The following AKT3 variants were observed in gnomAD, a reference collection of about 807,000 sequenced individuals.
AKT3 encodes the protein AKT serine/threonine kinase 3.
A neutral mutation model predicts 65.3 loss-of-function variants in AKT3; 15 were observed. The ratio of observed to expected loss-of-function variants is 0.23; its 90% CI spans 0.15 to 0.35. The LOEUF (loss-of-function observed/expected upper bound fraction) is 0.35. Among genes scored for constraint, AKT3 ranks in the 10% least tolerant of loss-of-function variants. The probability of loss-of-function intolerance (pLI) is 1.00; values close to 1 mark genes in which losing one functional copy is unlikely to be tolerated. For missense variants in AKT3, 243 were observed against 576.5 expected (o/e 0.42, Z 5.92); for synonymous variants, 206 against 183.8 (o/e 1.12, Z -0.98).
intron 12 of AKT3, among the ~76,000 whole-genome samples, chr1:243,535,405 ACT>A (rs1271773312): frequency 1.3e-5 from 2 of 151,584 alleles, no homozygotes; most frequent in Non-Finnish European, 2.9e-5. Flanking sequence ...TCCAGTGTCC[ACT>A]CTACTACTCT....
chr1:243,671,348 G>A (rs950772613), intron 3 of AKT3, among the ~76,000 whole-genome samples: 1 of 151,974 alleles, frequency 6.6e-6, no homozygotes, highest in Non-Finnish European at 1.5e-5. Context: ...CCAAAGCGCT[G>A]GGATTACAGG....
At chr1:243,782,337 T>C (rs1690967168) in intron 2 of AKT3, among the ~76,000 whole-genome samples, 1 of 152,202 alleles carries the variant, frequency 6.6e-6, no homozygotes, top group East Asian at 1.9e-4. Flanking sequence ...AAACAACTTA[T>C]TTATTTCTCA....
chr1:243,558,341 C>A (rs1673547253), intron 10 of AKT3, among the ~76,000 whole-genome samples: 1 of 151,924 alleles, frequency 6.6e-6, no homozygotes, highest in African/African-American at 2.4e-5. Flanking sequence ...TTGAGCAAAT[C>A]TTTGTATCAA....
intron 6 of AKT3, among the ~76,000 whole-genome samples, chr1:243,632,873 C>CTG (rs1679708842): frequency 1.3e-5 from 2 of 152,194 alleles, no homozygotes; most frequent in African/African-American, 2.4e-5. Context: ...AGCTTCCTTA[C>CTG]TTCTCTCACC....
At chr1:243,597,182 A>C (rs1234457308) in intron 8 of AKT3, among the ~76,000 whole-genome samples, 1 of 152,210 alleles carries the variant, frequency 6.6e-6, no homozygotes, top group Non-Finnish European at 1.5e-5. Flanking sequence ...CTAATCATAT[A>C]CTTAAAATGA....
At chr1:243,547,492 C>T (rs1006776892) in intron 11 of AKT3, among the ~76,000 whole-genome samples, 2 of 152,036 alleles carry the variant, frequency 1.3e-5, no homozygotes, top group East Asian at 1.9e-4. Flanking sequence ...AAACCAAATA[C>T]GTCATAGAAA....
chr1:243,849,304 T>C (rs1483001118), intron 1 of AKT3, among the ~76,000 whole-genome samples: 1 of 152,066 alleles, frequency 6.6e-6, no homozygotes, highest in East Asian at 1.9e-4. Context: ...ATTTCTATTC[T>C]TAGCACACAA....
Position 243,678,284 on chromosome 1 carries a change from C to G in AKT3, c.173-13401G>C, listed in dbSNP as rs927283761. 2.0e-5 allele frequency among the ~76,000 whole-genome samples: 3 copies of G among 151,940 alleles called. No homozygotes were observed. In the South Asian group the frequency reaches 6.2e-4, roughly 31 times the overall value. On this transcript the variant is annotated intron_variant, in intron 3 of 13. Transcript: ENST00000673466. Reference sequence around the variant, plus strand: ...GGTTCCAACCACAGACATAAAAAGGCCTCTTGGGTATTTACTACAGCAACA... The same window carrying G: ...GGTTCCAACCACAGACATAAAAAGGGCTCTTGGGTATTTACTACAGCAACA...
rs549883136 is a variant in AKT3 at position 243,523,341 on chromosome 1, C to T, written c.1252-10915G>A. 7.9e-5 allele frequency among the ~76,000 whole-genome samples: 12 copies of T among 151,274 alleles called. No individual in the cohort carries two copies. In the East Asian group the frequency reaches 2.3e-3, roughly 29 times the overall value. ...AAACCAATTGGATATCCAAGGCTCC[C>T]CTTGCAGGTTTGTACTGGGCAGCTA... On this transcript the variant is annotated intron_variant, in intron 12 of 13. Transcript: ENST00000673466.
intron 2 of AKT3, among the ~76,000 whole-genome samples, chr1:243,718,607 C>A (rs1686670157): frequency 6.6e-6 from 1 of 151,486 alleles, no homozygotes; most frequent in Non-Finnish European, 1.5e-5. Flanking sequence ...GGATTACAGG[C>A]CCTCACCACC....
Position 243,849,524 on chromosome 1 carries a change from G to A in AKT3, c.-113+516C>T, listed in dbSNP as rs1284684259. ...CCACGCGCAGACAGCCTCAGCGCCAGGGCGCGCGGCAGACGGCTCCCTCCC... is the reference window on the plus strand; with the variant it reads ...CCACGCGCAGACAGCCTCAGCGCCAAGGCGCGCGGCAGACGGCTCCCTCCC... On this transcript the variant is annotated intron_variant, in intron 1 of 13. Transcript: ENST00000673466. Among the ~76,000 whole-genome samples the A allele has an allele frequency of 2.0e-5, 3 of 151,784 alleles. No homozygotes were observed. In the East Asian group the frequency reaches 5.9e-4, roughly 30 times the overall value.
At chr1:243,526,765 C>T (rs1671114271) in intron 12 of AKT3, among the ~76,000 whole-genome samples, 1 of 56,408 alleles carries the variant, frequency 1.8e-5, no homozygotes, top group Non-Finnish European at 3.2e-5. Context: ...GCCAGCTGCA[C>T]TACAAAAAAT....
At chr1:243,663,786 CAA>C in intron 4 of AKT3, among the ~76,000 whole-genome samples, 1 of 152,246 alleles carries the variant, frequency 6.6e-6, no homozygotes, top group South Asian at 2.1e-4. Flanking sequence ...TGATTAGGAT[CAA>C]ATATAATAAC....
intron 13 of AKT3, among the ~76,000 whole-genome samples, chr1:243,505,891 A>G (rs1264544058): frequency 1.3e-5 from 2 of 152,278 alleles, no homozygotes; most frequent in Admixed American, 1.3e-4. Flanking sequence ...AAGTGAAAGA[A>G]AAAGAGGGAA....
intron 2 of AKT3, among the ~76,000 whole-genome samples, chr1:243,788,429 T>C (rs1691405107): frequency 6.6e-6 from 1 of 152,160 alleles, no homozygotes; most frequent in Non-Finnish European, 1.5e-5. Context: ...TATCCCTGGG[T>C]ATTCGTGGGG....
intron 6 of AKT3, among the ~76,000 whole-genome samples, chr1:243,636,374 G>C (rs897348019): frequency 9.2e-5 from 14 of 152,018 alleles, no homozygotes; most frequent in Non-Finnish European, 1.8e-4. Context: ...CCACTCTGTA[G>C]ATAAGAAAAT....
At chr1:243,552,634 T>C in intron 11 of AKT3, 95 bp downstream of exon 11, 9 of 1,121,350 alleles carry the variant, frequency 8.0e-6, no homozygotes, top group Admixed American at 3.9e-5. Flanking sequence ...ACCAAATACA[T>C]TGCTTCTTGG....
intron 2 of AKT3, among the ~76,000 whole-genome samples, chr1:243,780,928 T>C (rs549719371): frequency 1.3e-5 from 2 of 152,124 alleles, no homozygotes; most frequent in African/African-American, 2.4e-5. Flanking sequence ...AATAAACTTA[T>C]GCCTAGGGAA....
rs1682664790 is a variant in AKT3, at chr1:243,664,961, C to G, written c.173-78G>C. The G allele has an allele frequency of 4.1e-6, 3 of 724,138 alleles. No individual in the cohort carries two copies. In the South Asian group the frequency reaches 8.9e-5, roughly 21 times the overall value. The allele number at this position is 724,138 out of a possible 1,614,324, so 44.9% of individuals were successfully genotyped here. On this transcript the variant is annotated intron_variant, in intron 3 of 13. Coordinates refer to ENST00000673466, the MANE Select transcript of AKT3 (RefSeq NM_005465.7). ...GTAAATAATTGAGAACTACAGAGTT[C>G]TATTTTAAACAAAACCCAGTGCGAA...
Sources: allele counts gnomAD v4.1 joint callset (sites outside exome capture counted in the v4.1 genomes callset), GRCh38; gene constraint gnomAD v4.1.1; transcripts MANE v1.5; gene names NCBI Gene and HGNC (gene_info 2026-07-23, HGNC 2026-07-21).